The following SLK variants were observed in gnomAD, a reference collection of about 807,000 sequenced individuals.
SLK encodes the protein STE20 like kinase, also known as STE20-like serine/threonine-protein kinase.
A neutral mutation model predicts 147.7 loss-of-function variants in SLK; 67 were observed. The ratio of observed to expected loss-of-function variants is 0.45; its 90% CI spans 0.37 to 0.56. The LOEUF is 0.56. Ranked by LOEUF, SLK falls within the 20% of genes least tolerant of loss-of-function variation. SLK has a pLI of 0.00. For missense variants in SLK, 1,136 were observed against 1,438.8 expected, an observed-to-expected ratio of 0.79 and a Z score of 3.41; for synonymous variants, 441 against 475.0, an observed-to-expected ratio of 0.93 and a Z score of 0.93.
chr10:104,021,871 G>A (rs1388490247), intron 18 of SLK, 138 bp downstream of exon 18: 1 of 558,336 alleles, frequency 1.8e-6, no homozygotes, highest in African/African-American at 2.0e-5. Context: ...TTTGTCCCCA[G>A]AAGTTTTGGA....
chr10:104,006,371 G>A (rs1844326206), intron 11 of SLK, among the ~76,000 whole-genome samples: 1 of 152,100 alleles, frequency 6.6e-6, no homozygotes, highest in Admixed American at 6.6e-5. Flanking sequence ...GCTCTAATTC[G>A]ATCTTTCAGA....
rs745611047 is a variant in SLK at position 104,002,508 on chromosome 10, A to T, written c.1330A>T (p.Ile444Phe). The T allele has an allele frequency of 1.2e-5, 19 of 1,612,510 alleles. 1 individual carries two copies. The South Asian group carries it at 1.9e-4, about 16-fold the overall frequency. Residue 444 changes from isoleucine (I) to phenylalanine (F), a missense_variant, in exon 9 of 19, where the codon ATT becomes TTT. Transcript: ENST00000369755. ...CACAGAAGACCAAGAAACTGTGGACATTAATTCAGTCAGTGAAGGAAAAGA... is the reference window on the plus strand; with the variant it reads ...CACAGAAGACCAAGAAACTGTGGACTTTAATTCAGTCAGTGAAGGAAAAGA... The part of the protein sequence containing the change: ...PDTEDQETVD[I>F]NSVSEGKENN...
At chr10:104,008,151 TC>T in intron 11 of SLK, 25 bp from the exon 12 acceptor site, 1 of 1,579,018 alleles carries the variant, frequency 6.3e-7, no homozygotes, top group Non-Finnish European at 8.6e-7. Context: ...GGAAAAGTTA[TC>T]ATCTTGAGCT....
intron 1 of SLK, among the ~76,000 whole-genome samples, chr10:103,978,866 A>G (rs2134450806): frequency 6.6e-6 from 1 of 152,258 alleles, no homozygotes; most frequent in East Asian, 1.9e-4. Flanking sequence ...TTAGAAAGGG[A>G]AGGTATTTGA....
intron 1 of SLK, among the ~76,000 whole-genome samples, chr10:103,975,992 C>T (rs1843865262): frequency 6.6e-6 from 1 of 152,066 alleles, no homozygotes; most frequent in African/African-American, 2.4e-5. Context: ...GCGATCAACT[C>T]CCCAGGCTCA....
intron 2 of SLK, among the ~76,000 whole-genome samples, 153 bp from the exon 3 acceptor site, chr10:103,992,443 CTT>C (rs1844109221): frequency 6.6e-6 from 1 of 151,862 alleles, no homozygotes; most frequent in African/African-American, 2.4e-5. Context: ...ATTTGTAACT[CTT>C]TTGACAAAAT....
In SLK at chr10:104,005,918, G is replaced by A. The variant is rs56261739; in HGVS notation, c.2487G>A (p.Gln829=). 3.0e-5 allele frequency: 49 copies of A among 1,608,040 alleles called. No homozygotes were observed. Among genetic ancestry groups the A allele is most frequent in the Non-Finnish European group, 4.0e-5 (47 of 1,178,678 alleles). Residue 829 remains glutamine (Q), a synonymous_variant, in exon 11 of 19, where the codon CAG becomes CAA. Transcript: ENST00000369755. ...KTEELRFLRR[Q]ELRELRFLQK... ...TACCATTAAATTTTATCAGACGTCA[G>A]GAACTTCGGGAATTAAGATTTCTTC...
At chr10:103,980,040 G>T (rs960193425) in intron 1 of SLK, among the ~76,000 whole-genome samples, 4 of 152,056 alleles carry the variant, frequency 2.6e-5, no homozygotes, top group African/African-American at 9.7e-5. Context: ...ATAGAGTGAG[G>T]TAAGGACCGA....
At chr10:103,986,827 C>T (rs536864622) in intron 1 of SLK, among the ~76,000 whole-genome samples, 16 of 152,072 alleles carry the variant, frequency 1.1e-4, no homozygotes, top group East Asian at 1.9e-4. Context: ...TACAGGCATC[C>T]GCCACCATGC....
chr10:104,012,861 G>A (rs1844417454), intron 13 of SLK, among the ~76,000 whole-genome samples: 4 of 152,146 alleles, frequency 2.6e-5, no homozygotes, highest in South Asian at 4.1e-4. Flanking sequence ...GAATAATATG[G>A]TTTTTGCCTT....
chr10:103,995,151 A>G (rs1422392789), intron 4 of SLK, among the ~76,000 whole-genome samples: 3 of 152,320 alleles, frequency 2.0e-5, no homozygotes, highest in South Asian at 2.1e-4. Context: ...CTTATCCTCA[A>G]TTGATGACCA....
intron 1 of SLK, among the ~76,000 whole-genome samples, chr10:103,973,485 A>G (rs1300816786): frequency 1.3e-5 from 2 of 152,196 alleles, no homozygotes; most frequent in Non-Finnish European, 2.9e-5. Flanking sequence ...GCTTCTATGT[A>G]CATTTTCCAG....
rs1428440050 is a variant in SLK, at chr10:104,027,327, G to A, written c.*1607G>A. 2.0e-5 allele frequency: 3 copies of A among 152,484 alleles called. No homozygotes were observed. The highest frequency in any genetic ancestry group is 7.2e-5 in the African/African-American group (3 of 41,418). 9.4% of individuals were successfully genotyped at this position (152,484 alleles called of 1,614,324 possible). Reference sequence around the variant, plus strand: ...AAGCATAATTTACTTGGACAACTTCGTAGGTAGCCTTAACTTCTGGCCAAG... The same window carrying A: ...AAGCATAATTTACTTGGACAACTTCATAGGTAGCCTTAACTTCTGGCCAAG... On this transcript the variant is annotated 3_prime_UTR_variant, in exon 19 of 19. Coordinates refer to ENST00000369755, the MANE Select transcript of SLK (RefSeq NM_014720.4).
In SLK at chr10:104,011,711, C is replaced by T. The variant is rs188313798; in HGVS notation, c.2877+803C>T. 1.3e-3 allele frequency among the ~76,000 whole-genome samples: 196 copies of T among 152,180 alleles called. 1 individual carries two copies. Among genetic ancestry groups the T allele is most frequent in the Non-Finnish European group, 3.5e-4 (24 of 68,008 alleles). On this transcript the variant is annotated intron_variant, in intron 13 of 18. Transcript: ENST00000369755. ...GAGTAGCTGGGACTACAGGCATGCACCACCACGCCCAGCTAATATTTTGTA... is the reference window on the plus strand; with the variant it reads ...GAGTAGCTGGGACTACAGGCATGCATCACCACGCCCAGCTAATATTTTGTA...
chr10:103,977,476 A>G (rs1382129661), intron 1 of SLK, among the ~76,000 whole-genome samples: 1 of 152,158 alleles, frequency 6.6e-6, no homozygotes, highest in African/African-American at 2.4e-5. Context: ...TTAGCTGGGC[A>G]TGATGGCACT....
intron 9 of SLK, among the ~76,000 whole-genome samples, chr10:104,004,480 A>C (rs1271174543): frequency 6.6e-6 from 1 of 152,190 alleles, no homozygotes; most frequent in Non-Finnish European, 1.5e-5. Context: ...TTGGAGGTTA[A>C]GGTGTAGATA....
intron 13 of SLK, among the ~76,000 whole-genome samples, chr10:104,011,777 G>T (rs1246477063): frequency 6.6e-6 from 1 of 152,068 alleles, no homozygotes; most frequent in Non-Finnish European, 1.5e-5. Flanking sequence ...GGTCAGGATG[G>T]TCTCGATCTC....
intron 4 of SLK, among the ~76,000 whole-genome samples, chr10:103,997,884 G>T (rs1433224515): frequency 6.6e-6 from 1 of 151,740 alleles, no homozygotes; most frequent in Non-Finnish European, 1.5e-5. Flanking sequence ...AATTTTATTT[G>T]AATATAGGGA....
intron 9 of SLK, among the ~76,000 whole-genome samples, chr10:104,004,448 A>G (rs1844297789): frequency 6.6e-6 from 1 of 152,222 alleles, no homozygotes; most frequent in Non-Finnish European, 1.5e-5. Flanking sequence ...AACTTTTAGT[A>G]GGAGCTGAAG....
Sources: allele counts gnomAD v4.1 joint callset (sites outside exome capture counted in the v4.1 genomes callset), GRCh38; gene constraint gnomAD v4.1.1; transcripts MANE v1.5; gene names NCBI Gene and HGNC (gene_info 2026-07-23, HGNC 2026-07-21).